Variants in AGAP1 observed in about 807,000 individuals in gnomAD.
The protein encoded by AGAP1 is arf-GAP with GTPase, ANK repeat and PH domain-containing protein 1.
In AGAP1, 29 loss-of-function variants were observed where a neutral mutation model predicts 105.3. The ratio of observed to expected loss-of-function variants is 0.28; its 90% CI spans 0.21 to 0.38. The LOEUF is 0.38. Ranked by LOEUF, AGAP1 falls within the 10% of genes least tolerant of loss-of-function variation. The pLI is 1.00. For synonymous variants in AGAP1, 509 were observed against 485.9 expected (o/e 1.05, Z -0.63); for missense variants, 998 against 1,165.1 (o/e 0.86, Z 2.09).
Position 235,741,180 on chromosome 2 carries a change from C to G in AGAP1, c.396+132C>G. Reference sequence around the variant, plus strand: ...AAACCCCATAAAAAATGTTTCCTCTCACTGCATTTTTTTCTCATCTCTAAG... The same window carrying G: ...AAACCCCATAAAAAATGTTTCCTCTGACTGCATTTTTTTCTCATCTCTAAG... On this transcript the variant is annotated intron_variant, in intron 4 of 17. Transcript: ENST00000304032. The surrounding 1 kb of genome is among the most constrained non-coding windows in gnomAD (Gnocchi z 4.9). 1 of 656,332 alleles carries G rather than the reference C, an allele frequency of 1.5e-6. No homozygotes were observed. Among genetic ancestry groups the G allele is most frequent in the South Asian group, 3.7e-5 (1 of 26,938 alleles). 40.7% of individuals were successfully genotyped at this position (656,332 alleles called of 1,614,324 possible). A position where few individuals can be genotyped will look rare whatever the true frequency, so the allele number is the denominator to read the frequency against.
At position 235,988,469 on chromosome 2, in the gene AGAP1, C is replaced by G. The variant is rs2055416521; in HGVS notation, c.1645+19846C>G. Among the ~76,000 whole-genome samples the G allele has an allele frequency of 1.3e-5, 2 of 152,166 alleles. No homozygotes were observed. The highest frequency in any genetic ancestry group is 4.1e-4 in the South Asian group (2 of 4,822). On this transcript the variant is annotated intron_variant, in intron 13 of 17. Coordinates refer to ENST00000304032, the MANE Select transcript of AGAP1 (RefSeq NM_001037131.3). The surrounding 1 kb of genome is among the most constrained non-coding windows in gnomAD (Gnocchi z 4.7). The stretch of plus-strand genomic sequence containing the variant: ...CTTAAATGCCACCCCCAACCCCCGC[C>G]CCGAAGTCAGGAAGTGATTTCTGAA...
At chr2:235,706,893 G>A (rs990639863) in intron 1 of AGAP1, among the ~76,000 whole-genome samples, 3 of 152,194 alleles carry the variant, frequency 2.0e-5, no homozygotes, top group Non-Finnish European at 2.9e-5. Flanking sequence ...AAGAGTAGTC[G>A]ATAACAGAAA....
chr2:235,720,678 T>A lies in AGAP1; in HGVS notation c.310+3034T>A. The A allele has an allele frequency of 1.0e-6, 1 of 985,460 alleles. No individual in the cohort carries two copies. Among genetic ancestry groups the A allele is most frequent in the African/African-American group, 1.7e-5 (1 of 57,378 alleles). The allele number at this position is 985,460 out of a possible 1,614,324, so 61.0% of individuals were successfully genotyped here. ...TTCCTTGGATTCTCCCTGCGCTTCT[T>A]AATGTCTGTGCCCTGTTCTTCTGAT... On this transcript the variant is annotated intron_variant, in intron 3 of 17. Coordinates refer to ENST00000304032, the MANE Select transcript of AGAP1 (RefSeq NM_001037131.3). The surrounding 1 kb of genome is among the most constrained non-coding windows in gnomAD (Gnocchi z 5.0).
At position 235,751,456 on chromosome 2, in the gene AGAP1, G is replaced by T. The variant is rs1953432890; in HGVS notation, c.673+968G>T. On this transcript the variant is annotated intron_variant, in intron 6 of 17. Transcript: ENST00000304032. This position sits in a 1 kb window ranked among gnomAD's most constrained non-coding sequence, Gnocchi z 5.3. ...GCCACACTCGGGCTCTCCAGAGAGTGCTGGAGCCGCTTCAAGGTGATGGAG... is the reference window on the plus strand; with the variant it reads ...GCCACACTCGGGCTCTCCAGAGAGTTCTGGAGCCGCTTCAAGGTGATGGAG... Among the ~76,000 whole-genome samples the T allele has an allele frequency of 6.6e-6, 1 of 152,202 alleles. No individual in the cohort carries two copies.
At chr2:235,748,597 T>C (rs1340305185) in intron 5 of AGAP1, among the ~76,000 whole-genome samples, 2 of 152,210 alleles carry the variant, frequency 1.3e-5, no homozygotes, top group Admixed American at 6.5e-5. Flanking sequence ...AGAGTTCACT[T>C]GCCTTCCAGT....
chr2:235,935,149 T>C (rs1346166204), intron 12 of AGAP1, among the ~76,000 whole-genome samples: 1 of 152,208 alleles, frequency 6.6e-6, no homozygotes, highest in Admixed American at 6.5e-5. Flanking sequence ...CACATTTAAG[T>C]ACCTGAGGTT....
rs1007231076 is a variant in AGAP1, at chr2:235,577,543, G to A, written c.163+82694G>A. On this transcript the variant is annotated intron_variant, in intron 1 of 17. Transcript: ENST00000304032. The surrounding 1 kb of genome is among the most constrained non-coding windows in gnomAD (Gnocchi z 4.5). ...ATCGGAAGCTCCTGTGTCCCTGGTC[G>A]CTTGCTGGAGTCGGTGGGAGCTGAG... 6.6e-5 allele frequency among the ~76,000 whole-genome samples: 10 copies of A among 152,106 alleles called. No homozygotes were observed. The highest frequency in any genetic ancestry group is 1.9e-4 in the African/African-American group (8 of 41,416).
rs1280165817 is a variant in AGAP1 at position 235,747,812 on chromosome 2, G to A, written c.539-2542G>A. On this transcript the variant is annotated intron_variant, in intron 5 of 17. Coordinates refer to ENST00000304032, the MANE Select transcript of AGAP1 (RefSeq NM_001037131.3). This position sits in a 1 kb window ranked among gnomAD's most constrained non-coding sequence, Gnocchi z 5.0. ...ATCAGGTTGTCTAGGAAGGCACCTGGCATTTCTCTTCCTGCTGCTTTGGGG... is the reference window on the plus strand; with the variant it reads ...ATCAGGTTGTCTAGGAAGGCACCTGACATTTCTCTTCCTGCTGCTTTGGGG... Among the ~76,000 whole-genome samples, 1 of 152,228 alleles carries A rather than the reference G, an allele frequency of 6.6e-6. No homozygotes were observed. The highest frequency in any genetic ancestry group is 1.5e-5 in the Non-Finnish European group (1 of 68,040).
intron 13 of AGAP1, among the ~76,000 whole-genome samples, chr2:236,015,805 T>C (rs1453803301): frequency 6.6e-6 from 1 of 152,218 alleles, no homozygotes. Flanking sequence ...GGGATTATTA[T>C]AACTGTAATA....
chr2:235,951,019 A>G lies in AGAP1; in HGVS notation c.1484-17443A>G, dbSNP rs191656392. Among the ~76,000 whole-genome samples, 53 of 151,630 alleles carry G rather than the reference A, an allele frequency of 3.5e-4. No individual in the cohort carries two copies. In the East Asian group the frequency reaches 9.2e-3, roughly 26 times the overall value. On this transcript the variant is annotated intron_variant, in intron 12 of 17. Transcript: ENST00000304032. The surrounding 1 kb of genome is among the most constrained non-coding windows in gnomAD (Gnocchi z 4.2). ...TCTTTTTTACAAAAAGAATATTCTA[A>G]TAGTATCTAATAGTAATGGTGAATT... is the stretch of plus-strand genomic sequence containing the variant.
chr2:236,006,466 A>G lies in AGAP1; in HGVS notation c.1646-30095A>G, dbSNP rs185498089. Among the ~76,000 whole-genome samples, 246 of 152,326 alleles carry G rather than the reference A, an allele frequency of 1.6e-3. 1 individual carries two copies. The highest frequency in any genetic ancestry group is 5.7e-3 in the African/African-American group (239 of 41,574). Reference sequence around the variant, plus strand: ...GAAATGTGTGTATACTAACCTGCATATGCATATATATCTACAAATATTTCT... The same window carrying G: ...GAAATGTGTGTATACTAACCTGCATGTGCATATATATCTACAAATATTTCT... On this transcript the variant is annotated intron_variant, in intron 13 of 17. Transcript: ENST00000304032.
Position 236,090,555 on chromosome 2 carries a change from G to A in AGAP1, c.2115-29637G>A, listed in dbSNP as rs1559265153. ...TTTGCCAAGCGAGTGAGAGGCGGGG[G>A]TCGGAGGGAGGCCTTCCTCCTGCAG... On this transcript the variant is annotated intron_variant, in intron 16 of 17. Transcript: ENST00000304032. The surrounding 1 kb of genome is among the most constrained non-coding windows in gnomAD (Gnocchi z 4.3). Among the ~76,000 whole-genome samples the A allele has an allele frequency of 6.6e-6, 1 of 152,176 alleles. No individual in the cohort carries two copies. The highest frequency in any genetic ancestry group is 1.9e-4 in the East Asian group (1 of 5,186).
At chr2:235,652,337 C>T (rs188208781) in intron 1 of AGAP1, among the ~76,000 whole-genome samples, 2 of 152,226 alleles carry the variant, frequency 1.3e-5, no homozygotes, top group African/African-American at 4.8e-5. Flanking sequence ...CTCAGACCCC[C>T]CCTACCCCCC....
At position 235,908,677 on chromosome 2, in the gene AGAP1, T is replaced by C. The variant is rs2051423939; in HGVS notation, c.1156-61T>C. The C allele has an allele frequency of 1.4e-6, 2 of 1,470,392 alleles. No individual in the cohort carries two copies. Among genetic ancestry groups the C allele is most frequent in the Admixed American group, 2.2e-5 (1 of 45,812 alleles). The allele number at this position is 1,470,392 out of a possible 1,614,324, so 91.1% of individuals were successfully genotyped here. A position where few individuals can be genotyped will look rare whatever the true frequency, so the allele number is the denominator to read the frequency against. Reference sequence around the variant, plus strand: ...TGACGTCTGATAGACCCTTTTGTTCTAGGTTGTAAAAGGTCTTTTTTTTTT... The same window carrying C: ...TGACGTCTGATAGACCCTTTTGTTCCAGGTTGTAAAAGGTCTTTTTTTTTT... On this transcript the variant is annotated intron_variant, in intron 10 of 17. Coordinates refer to ENST00000304032, the MANE Select transcript of AGAP1 (RefSeq NM_001037131.3). This position sits in a 1 kb window ranked among gnomAD's most constrained non-coding sequence, Gnocchi z 4.4.
rs780530427 is a variant in AGAP1, at chr2:235,750,521, T to TTCATGATAG, written c.673+34_673+42dup. 6.2e-7 allele frequency: 1 copy of TTCATGATAG among 1,612,798 alleles called. No homozygotes were observed. The highest frequency in any genetic ancestry group is 8.5e-7 in the Non-Finnish European group (1 of 1,178,898). ...CGCGTGGCTGGGAGTTTAATTTCAG[T>TTCATGATAG]TCATGATAGACGGGAGGCACTTCAA... On this transcript the variant is annotated intron_variant, in intron 6 of 17. Transcript: ENST00000304032. The surrounding 1 kb of genome is among the most constrained non-coding windows in gnomAD (Gnocchi z 5.3).
At chr2:235,703,158 C>T (rs1950342005) in intron 1 of AGAP1, among the ~76,000 whole-genome samples, 1 of 151,950 alleles carries the variant, frequency 6.6e-6, no homozygotes, top group Non-Finnish European at 1.5e-5. Context: ...AAATTCCTGA[C>T]CTCAAGTGAT....
chr2:236,019,383 G>A (rs946919356), intron 13 of AGAP1, among the ~76,000 whole-genome samples: 5 of 152,170 alleles, frequency 3.3e-5, no homozygotes, highest in Non-Finnish European at 7.3e-5. Context: ...GGGGCTTTGT[G>A]GAGAGCAGAA....
rs1386588059 is a variant in AGAP1, at chr2:235,655,699, C to G, written c.164-53480C>G. 6.6e-6 allele frequency among the ~76,000 whole-genome samples: 1 copy of G among 152,224 alleles called. No individual in the cohort carries two copies. Among genetic ancestry groups the G allele is most frequent in the East Asian group, 1.9e-4 (1 of 5,198 alleles). On this transcript the variant is annotated intron_variant, in intron 1 of 17. Transcript: ENST00000304032. The surrounding 1 kb of genome is among the most constrained non-coding windows in gnomAD (Gnocchi z 4.3). ...AGCAGGTGCCCCGTGTGTTGCTCTG[C>G]AAGTCCACATGGAGCAGGATTCCTT...
intron 1 of AGAP1, among the ~76,000 whole-genome samples, chr2:235,531,080 A>G (rs925981123): frequency 4.6e-5 from 7 of 152,208 alleles, no homozygotes; most frequent in African/African-American, 1.7e-4. Context: ...GATTTAGGGT[A>G]TTTGGCACAG....
Sources: gnomAD v4.1 joint callset for allele counts (sites outside exome capture counted in the v4.1 genomes callset) on GRCh38, gnomAD v4.1.1 for gene constraint, Gnocchi (gnomAD v3.1) non-coding constraint, MANE v1.5 for transcripts, NCBI Gene and HGNC (gene_info 2026-07-23, HGNC 2026-07-21) for gene names.